Variants in NDST4 observed in about 807,000 individuals in gnomAD.
The protein encoded by NDST4 is N-heparan sulfate sulfotransferase 4.
NDST4 carries 63 observed loss-of-function variants against 100.8 expected under a neutral mutation model. The ratio of observed to expected loss-of-function variants is 0.62; its 90% CI spans 0.51 to 0.77. NDST4 has a LOEUF of 0.77. Ranked by LOEUF, NDST4 falls within the 30% of genes least tolerant of loss-of-function variation. The pLI is 0.00. For synonymous variants in NDST4, 377 were observed against 361.8 expected, an observed-to-expected ratio of 1.04 and a Z score of -0.48; for missense variants, 943 against 1,018.4, an observed-to-expected ratio of 0.93 and a Z score of 1.01.
chr4:114,900,855 T>A (rs1357368946), intron 6 of NDST4, among the ~76,000 whole-genome samples: 1 of 152,168 alleles, frequency 6.6e-6, no homozygotes. Context: ...CATTTTCTTT[T>A]ACTTCAAAAT....
chr4:115,005,976 GAGCTGAGATCGCGTCACTGC>G (rs1055415535), intron 2 of NDST4, among the ~76,000 whole-genome samples: 1 of 143,218 alleles, frequency 7.0e-6, no homozygotes, highest in African/African-American at 2.6e-5. Flanking sequence ...AGCTTGCAGT[GAGCTGAGATCGCGTCACTGC>G]ACTCCAGCCT....
chr4:115,099,521 C>T (rs574483437), intron 1 of NDST4, among the ~76,000 whole-genome samples: 59 of 152,070 alleles, frequency 3.9e-4, no homozygotes, highest in Admixed American at 2.2e-3. Flanking sequence ...TAGATACCTC[C>T]TTAATGAAAA....
Position 114,954,927 on chromosome 4 carries a change from G to T in NDST4, c.1221+15503C>A, listed in dbSNP as rs571332637. On this transcript the variant is annotated intron_variant, in intron 4 of 13. Coordinates refer to ENST00000264363, the MANE Select transcript of NDST4 (RefSeq NM_022569.3). ...ACATCCTTGCTACTGCTCCCACCAT[G>T]TGAAGACATCTCACTACCAGCTTTG... Among the ~76,000 whole-genome samples, 47 of 152,216 alleles carry T rather than the reference G, an allele frequency of 3.1e-4. 2 individuals carry two copies. The South Asian group carries it at 8.5e-3, about 28-fold the overall frequency.
At chr4:114,924,117 T>A (rs1433647012) in intron 6 of NDST4, among the ~76,000 whole-genome samples, 1 of 152,080 alleles carries the variant, frequency 6.6e-6, no homozygotes, top group African/African-American at 2.4e-5. Flanking sequence ...GGCAAACATA[T>A]TTTGGTCATT....
At chr4:115,003,683 T>C (rs186465147) in intron 2 of NDST4, among the ~76,000 whole-genome samples, 20 of 152,052 alleles carry the variant, frequency 1.3e-4, no homozygotes, top group Admixed American at 1.0e-3. Context: ...CTGACCAATA[T>C]AGTGAAACTC....
intron 2 of NDST4, among the ~76,000 whole-genome samples, chr4:115,049,855 T>C (rs1728546770): frequency 6.6e-6 from 1 of 152,142 alleles, no homozygotes; most frequent in African/African-American, 2.4e-5. Flanking sequence ...TGTGCTATCT[T>C]GGTTACATCC....
At chr4:115,039,418 T>C (rs1056051805) in intron 2 of NDST4, among the ~76,000 whole-genome samples, 2 of 150,260 alleles carry the variant, frequency 1.3e-5, no homozygotes, top group African/African-American at 5.0e-5. Flanking sequence ...GTTTCCAGTG[T>C]GGACACATTC....
At chr4:114,888,348 C>T (rs1334102756) in intron 6 of NDST4, among the ~76,000 whole-genome samples, 2 of 151,996 alleles carry the variant, frequency 1.3e-5, no homozygotes, top group Non-Finnish European at 2.9e-5. Context: ...AAATGATACA[C>T]CTGAGAAGTA....
chr4:114,938,166 A>G (rs1414639568), intron 4 of NDST4, among the ~76,000 whole-genome samples: 1 of 152,178 alleles, frequency 6.6e-6, no homozygotes, highest in East Asian at 1.9e-4. Context: ...AGGTAACTAA[A>G]TTAAATTATT....
intron 1 of NDST4, among the ~76,000 whole-genome samples, chr4:115,090,857 G>C (rs1729505780): frequency 1.3e-5 from 2 of 152,006 alleles, no homozygotes; most frequent in South Asian, 4.1e-4. Context: ...GTGACTCAAT[G>C]TTAAAATACT....
In NDST4 at chr4:114,827,864, T is replaced by A; in HGVS notation, c.2571A>T (p.Gly857=). Residue 857 remains glycine (G), a synonymous_variant, in exon 14 of 14, where the codon GGA becomes GGT. Coordinates refer to ENST00000264363, the MANE Select transcript of NDST4 (RefSeq NM_022569.3). ...GTCTCAGCCACGATGGCAGAGGCTG[T>A]CCCAGTCTGTGTAGCAGTTTGGATA... is the stretch of plus-strand genomic sequence containing the variant. ...VELSKLLHRL[G]QPLPSWLRQE... 1.9e-6 allele frequency: 3 copies of A among 1,612,798 alleles called. No individual in the cohort carries two copies. Among genetic ancestry groups the A allele is most frequent in the Non-Finnish European group, 2.5e-6 (3 of 1,179,264 alleles).
chr4:115,092,931 C>G (rs980712041), intron 1 of NDST4, among the ~76,000 whole-genome samples: 5 of 151,922 alleles, frequency 3.3e-5, no homozygotes, highest in Middle Eastern at 3.2e-3. Context: ...CTGAAAAAAT[C>G]CAAGTATATG....
At chr4:114,869,143 T>C (rs1578354149) in intron 7 of NDST4, among the ~76,000 whole-genome samples, 1 of 151,610 alleles carries the variant, frequency 6.6e-6, no homozygotes. Context: ...ATATCTTTGA[T>C]TATATTTATT....
chr4:114,962,821 T>C lies in NDST4; in HGVS notation c.1221+7609A>G, dbSNP rs537548709. Among the ~76,000 whole-genome samples, 252 of 152,140 alleles carry C rather than the reference T, an allele frequency of 1.7e-3. 3 individuals are homozygous for C. Among genetic ancestry groups the C allele is most frequent in the South Asian group, 2.5e-3 (12 of 4,824 alleles). On this transcript the variant is annotated intron_variant, in intron 4 of 13. Transcript: ENST00000264363. Reference sequence around the variant, plus strand: ...ATTGATAAGATGATCCTAAAATTCATATGGAAATTCAAAAGACCCAGAATA... The same window carrying C: ...ATTGATAAGATGATCCTAAAATTCACATGGAAATTCAAAAGACCCAGAATA...
intron 2 of NDST4, among the ~76,000 whole-genome samples, chr4:114,980,050 T>C (rs1482047759): frequency 2.6e-5 from 4 of 151,998 alleles, no homozygotes; most frequent in Admixed American, 6.6e-5. Context: ...TGCTAAACCA[T>C]ACAAATTCAG....
chr4:114,860,487 G>T (rs575564032), intron 7 of NDST4, among the ~76,000 whole-genome samples: 1 of 152,222 alleles, frequency 6.6e-6, no homozygotes, highest in East Asian at 1.9e-4. Flanking sequence ...AAAATGATAT[G>T]AAGTATCCTC....
chr4:114,897,167 C>T (rs1724733463), intron 6 of NDST4, among the ~76,000 whole-genome samples: 1 of 152,090 alleles, frequency 6.6e-6, no homozygotes, highest in Non-Finnish European at 1.5e-5. Context: ...TGTATAATGG[C>T]ATGCATCTAC....
At chr4:114,898,075 A>G (rs1236699378) in intron 6 of NDST4, among the ~76,000 whole-genome samples, 3 of 152,114 alleles carry the variant, frequency 2.0e-5, no homozygotes, top group Admixed American at 6.6e-5. Context: ...CAGCTCATCA[A>G]TTATTTCTTT....
At chr4:114,929,036 CTGT>C (rs879773012) in intron 6 of NDST4, among the ~76,000 whole-genome samples, 2,781 of 146,038 alleles carry the variant, frequency 0.019, 41 homozygotes, top group Middle Eastern at 0.042. Flanking sequence ...GTCTGTCTGT[CTGT>C]CTGTCCGTCC....
Sources: gnomAD v4.1 joint callset for allele counts (sites outside exome capture counted in the v4.1 genomes callset) on GRCh38, gnomAD v4.1.1 for gene constraint, MANE v1.5 for transcripts, NCBI Gene and HGNC (gene_info 2026-07-23, HGNC 2026-07-21) for gene names.